Variants in NNT observed in about 807,000 individuals in gnomAD.
The protein encoded by NNT is nicotinamide nucleotide transhydrogenase.
In NNT, 50 loss-of-function variants were observed where a neutral mutation model predicts 104.8. The ratio of observed to expected loss-of-function variants is 0.48; its 90% CI spans 0.38 to 0.60. The LOEUF (loss-of-function observed/expected upper bound fraction) is 0.60. Ranked by LOEUF, NNT falls within the 20% of genes least tolerant of loss-of-function variation. NNT has a pLI of 0.00. For missense variants in NNT, 1,131 were observed against 1,330.7 expected (o/e 0.85, Z 2.33); for synonymous variants, 461 against 490.4 (o/e 0.94, Z 0.79).
intron 7 of NNT, among the ~76,000 whole-genome samples, chr5:43,641,204 C>T (rs2111800375): frequency 6.6e-6 from 1 of 152,156 alleles, no homozygotes; most frequent in Non-Finnish European, 1.5e-5. Context: ...ATTGTCTTCT[C>T]AGTCTTTCTC....
At chr5:43,623,167 C>G (rs750134186) in intron 5 of NNT, among the ~76,000 whole-genome samples, 4 of 152,134 alleles carry the variant, frequency 2.6e-5, no homozygotes, top group African/African-American at 7.2e-5. Context: ...CACAGTCTGA[C>G]TAGCCTAGTC....
intron 1 of NNT, among the ~76,000 whole-genome samples, chr5:43,604,118 G>A (rs1467599129): frequency 1.3e-5 from 2 of 152,170 alleles, no homozygotes; most frequent in African/African-American, 4.8e-5. Flanking sequence ...GCGCCTGCCA[G>A]CCGAAGCTGG....
intron 19 of NNT, among the ~76,000 whole-genome samples, chr5:43,684,579 A>G (rs1009544886): frequency 1.6e-4 from 24 of 151,298 alleles, no homozygotes; most frequent in Non-Finnish European, 2.7e-4. Context: ...CTTCCTTACC[A>G]TGTTTCCCTT....
intron 20 of NNT, among the ~76,000 whole-genome samples, chr5:43,702,163 C>T (rs1742881452): frequency 6.6e-6 from 1 of 152,034 alleles, no homozygotes; most frequent in Non-Finnish European, 1.5e-5. Context: ...CTTCTGAGGA[C>T]TTAGTCATAA....
intron 19 of NNT, among the ~76,000 whole-genome samples, chr5:43,698,272 G>A (rs907864889): frequency 6.6e-6 from 1 of 151,394 alleles, no homozygotes; most frequent in Admixed American, 6.6e-5. Flanking sequence ...TTACCACTTT[G>A]ATGAGAAAAA....
rs1045013399 is a variant in NNT, at chr5:43,667,134, C to T, written c.2634+7784C>T. 4.0e-6 allele frequency: 6 copies of T among 1,495,854 alleles called. No homozygotes were observed. In the East Asian group the frequency reaches 1.1e-4, roughly 28 times the overall value. The allele number at this position is 1,495,854 out of a possible 1,614,324, so 92.7% of individuals were successfully genotyped here. A position where few individuals can be genotyped will look rare whatever the true frequency, so the allele number is the denominator to read the frequency against. Reference sequence around the variant, plus strand: ...TCCTCAGGAACTTGGGGTCCACCCCCTTAAGAGATTCGTATCTTTGTGATC... The same window carrying T: ...TCCTCAGGAACTTGGGGTCCACCCCTTTAAGAGATTCGTATCTTTGTGATC... On this transcript the variant is annotated intron_variant, in intron 17 of 21. Transcript: ENST00000344920.
At chr5:43,663,716 ATAGCTC>A (rs1740489829) in intron 17 of NNT, among the ~76,000 whole-genome samples, 1 of 152,228 alleles carries the variant, frequency 6.6e-6, no homozygotes, top group Non-Finnish European at 1.5e-5. Context: ...TTTACAAAAT[ATAGCTC>A]ATTTAATCCC....
rs1272569181 is a variant in NNT at position 43,609,224 on chromosome 5, C to T, written c.29C>T (p.Thr10Ile). The T allele has an allele frequency of 6.2e-7, 1 of 1,613,784 alleles. No homozygotes were observed. The highest frequency in any genetic ancestry group is 1.3e-5 in the African/African-American group (1 of 74,894). Residue 10 changes from threonine (T) to isoleucine (I), a missense_variant, in exon 2 of 22, where the codon ACT becomes ATT. Physicochemically the swap from Thr to Ile is moderately conservative, Grantham distance 89 (BLOSUM62 -1). Coordinates refer to ENST00000344920, the MANE Select transcript of NNT (RefSeq NM_182977.3). Reference sequence around the variant, plus strand: ...GCAAACCTATTGAAAACAGTGGTGACTGGCTGCTCGTGTCCTCTACTTAGC... The same window carrying T: ...GCAAACCTATTGAAAACAGTGGTGATTGGCTGCTCGTGTCCTCTACTTAGC... MANLLKTVV[T>I]GCSCPLLSNL... is the part of the protein sequence containing the mutation.
chr5:43,608,023 C>T (rs1300276497), intron 1 of NNT, among the ~76,000 whole-genome samples: 1 of 152,142 alleles, frequency 6.6e-6, no homozygotes, highest in African/African-American at 2.4e-5. Flanking sequence ...CTCCACCTCC[C>T]AGGTTCAACC....
intron 7 of NNT, among the ~76,000 whole-genome samples, chr5:43,639,720 A>C (rs188801103): frequency 1.3e-5 from 2 of 152,170 alleles, no homozygotes; most frequent in Non-Finnish European, 2.9e-5. Context: ...TTTTCTTGGC[A>C]AAAGTGTGGA....
At chr5:43,638,830 T>C (rs959048324) in intron 7 of NNT, among the ~76,000 whole-genome samples, 1 of 152,024 alleles carries the variant, frequency 6.6e-6, no homozygotes, top group East Asian at 1.9e-4. Flanking sequence ...TCATGTCTTG[T>C]TATTTTAAAT....
intron 17 of NNT, among the ~76,000 whole-genome samples, chr5:43,672,091 G>T (rs1485155100): frequency 5.9e-5 from 9 of 152,140 alleles, no homozygotes; most frequent in African/African-American, 2.2e-4. Flanking sequence ...ACTGAAACTT[G>T]TGCATTCATC....
rs556057561 is a variant in NNT at position 43,635,365 on chromosome 5, A to G, written c.964+6978A>G. 1.8e-4 allele frequency among the ~76,000 whole-genome samples: 28 copies of G among 152,240 alleles called. No homozygotes were observed. The South Asian group carries it at 5.6e-3, about 30-fold the overall frequency. On this transcript the variant is annotated intron_variant, in intron 7 of 21. Coordinates refer to ENST00000344920, the MANE Select transcript of NNT (RefSeq NM_182977.3). ...GGGACTGTCTCTATTTAAGCCAGCTATAGGGAAAGTGGGATGGAGGAGTGT... is the reference window on the plus strand; with the variant it reads ...GGGACTGTCTCTATTTAAGCCAGCTGTAGGGAAAGTGGGATGGAGGAGTGT...
At chr5:43,622,519 T>G (rs544404697) in intron 5 of NNT, among the ~76,000 whole-genome samples, 2 of 152,214 alleles carry the variant, frequency 1.3e-5, no homozygotes, top group Non-Finnish European at 2.9e-5. Flanking sequence ...CCTCCTGTCT[T>G]GGCCTCCCAA....
rs113688051 is a variant in NNT, at chr5:43,625,622, C to G, written c.776+1502C>G. The stretch of plus-strand genomic sequence containing the variant: ...GTTAAATATCCTAAAAACTTACAGA[C>G]AGCTCATTGCCCAATGGTATTTAAA... On this transcript the variant is annotated intron_variant, in intron 6 of 21. Coordinates refer to ENST00000344920, the MANE Select transcript of NNT (RefSeq NM_182977.3). 4.5e-3 allele frequency among the ~76,000 whole-genome samples: 687 copies of G among 152,202 alleles called. 6 individuals carry two copies. Among genetic ancestry groups the G allele is most frequent in the African/African-American group, 0.015 (612 of 41,572 alleles).
upstream of NNT, chr5:43,603,003 G>A (rs1749003455): frequency 6.6e-6 from 1 of 152,332 alleles, no homozygotes; most frequent in African/African-American, 2.4e-5. Flanking sequence ...GGGCCCCTGG[G>A]GGTAACTAGC....
intron 19 of NNT, among the ~76,000 whole-genome samples, chr5:43,693,759 T>C (rs1343975353): frequency 6.6e-6 from 1 of 152,174 alleles, no homozygotes; most frequent in Non-Finnish European, 1.5e-5. Context: ...CCAAAAGTGA[T>C]AGAATAATTC....
At chr5:43,616,771 T>C (rs1397817206) in intron 4 of NNT, among the ~76,000 whole-genome samples, 1 of 152,104 alleles carries the variant, frequency 6.6e-6, no homozygotes, top group Non-Finnish European at 1.5e-5. Flanking sequence ...CAGGAATAGC[T>C]ACATGAAAGC....
At chr5:43,680,586 A>G (rs898621422) in intron 19 of NNT, among the ~76,000 whole-genome samples, 8 of 152,162 alleles carry the variant, frequency 5.3e-5, no homozygotes, top group Non-Finnish European at 1.0e-4. Flanking sequence ...GCCAAGAAAA[A>G]TCGCATCTGT....
Sources: gnomAD v4.1 joint callset for allele counts (sites outside exome capture counted in the v4.1 genomes callset) on GRCh38, gnomAD v4.1.1 for gene constraint, MANE v1.5 for transcripts, NCBI Gene and HGNC (gene_info 2026-07-23, HGNC 2026-07-21) for gene names.